CTNND2: variants seen among roughly 807,000 people sequenced by gnomAD.
CTNND2 encodes the protein catenin delta-2.
In CTNND2, 22 loss-of-function variants were observed where a neutral mutation model predicts 144.4. The ratio of observed to expected loss-of-function variants is 0.15; its 90% CI spans 0.11 to 0.22. The LOEUF (loss-of-function observed/expected upper bound fraction) is 0.22, where lower values mean the gene tolerates loss of function less well. CTNND2 is among the 10% of genes least tolerant of loss of function. The probability of loss-of-function intolerance (pLI) is 1.00; values close to 1 mark genes in which losing one functional copy is unlikely to be tolerated. For synonymous variants in CTNND2, 751 were observed against 695.6 expected, an observed-to-expected ratio of 1.08 and a Z score of -1.25; for missense variants, 1,353 against 1,618.8, an observed-to-expected ratio of 0.84 and a Z score of 2.82.
intron 2 of CTNND2, among the ~76,000 whole-genome samples, chr5:11,606,144 A>G (rs750805019): frequency 2.8e-4 from 42 of 152,220 alleles, no homozygotes; most frequent in Non-Finnish European, 5.7e-4. Flanking sequence ...TCCGGAAGTC[A>G]AGAATGATTC....
At chr5:11,797,114 T>C (rs1275804224) in intron 1 of CTNND2, among the ~76,000 whole-genome samples, 2 of 152,216 alleles carry the variant, frequency 1.3e-5, no homozygotes, top group Non-Finnish European at 2.9e-5. Context: ...AAAAGGTTTC[T>C]TTGACATTGA....
intron 11 of CTNND2, among the ~76,000 whole-genome samples, chr5:11,164,157 A>C (rs1759070700): frequency 1.3e-5 from 2 of 152,016 alleles, no homozygotes; most frequent in African/African-American, 4.8e-5. Flanking sequence ...CCTCCCTCTC[A>C]TAAGGGCACT....
At chr5:11,643,766 T>C (rs1782196414) in intron 2 of CTNND2, among the ~76,000 whole-genome samples, 2 of 152,244 alleles carry the variant, frequency 1.3e-5, no homozygotes, top group African/African-American at 2.4e-5. Flanking sequence ...TTCTATTTTT[T>C]CCCAAAAAAA....
chr5:11,471,988 C>T (rs1031229937), intron 3 of CTNND2, among the ~76,000 whole-genome samples: 1 of 152,144 alleles, frequency 6.6e-6, no homozygotes, highest in Non-Finnish European at 1.5e-5. Flanking sequence ...ATATATAGAA[C>T]AATTCAGCCT....
chr5:11,445,730 G>T (rs1364520317), intron 3 of CTNND2, among the ~76,000 whole-genome samples: 1 of 152,244 alleles, frequency 6.6e-6, no homozygotes, highest in Non-Finnish European at 1.5e-5. Context: ...CATATAGCGG[G>T]GCTGGTGAGG....
intron 9 of CTNND2, among the ~76,000 whole-genome samples, chr5:11,288,275 T>C (rs1311437): frequency 0.2 from 30,077 of 152,096 alleles, 3,147 homozygotes; most frequent in Middle Eastern, 0.32. Context: ...TCTACATTCA[T>C]GTTCTTCTTT....
At chr5:11,854,024 A>G (rs1795138443) in intron 1 of CTNND2, among the ~76,000 whole-genome samples, 1 of 152,202 alleles carries the variant, frequency 6.6e-6, no homozygotes, top group African/African-American at 2.4e-5. Context: ...CATCTATGAT[A>G]AACAAGGCCC....
intron 1 of CTNND2, among the ~76,000 whole-genome samples, chr5:11,858,305 T>C (rs764826781): frequency 3.9e-5 from 6 of 152,206 alleles, no homozygotes; most frequent in Non-Finnish European, 7.3e-5. Context: ...TCAGTATACA[T>C]GCACACAAAG....
At chr5:11,666,375 C>A (rs1338050227) in intron 2 of CTNND2, among the ~76,000 whole-genome samples, 2 of 152,132 alleles carry the variant, frequency 1.3e-5, no homozygotes, top group African/African-American at 4.8e-5. Flanking sequence ...GAAATAAATA[C>A]ATTAAGAATG....
chr5:11,485,321 T>C (rs1276412691), intron 3 of CTNND2, among the ~76,000 whole-genome samples: 1 of 151,494 alleles, frequency 6.6e-6, no homozygotes, highest in Non-Finnish European at 1.5e-5. Context: ...ATGCCACTTC[T>C]TAACAGAGAG....
chr5:11,824,154 T>C (rs1392819458), intron 1 of CTNND2, among the ~76,000 whole-genome samples: 1 of 148,150 alleles, frequency 6.7e-6, no homozygotes, highest in African/African-American at 2.5e-5. Context: ...AAAAATTAAA[T>C]GTTTAAAAAA....
intron 2 of CTNND2, among the ~76,000 whole-genome samples, chr5:11,620,032 C>T (rs1156796095): frequency 1.3e-5 from 2 of 151,988 alleles, no homozygotes; most frequent in Admixed American, 6.6e-5. Context: ...GCATTTTAAT[C>T]GATGATATTT....
intron 3 of CTNND2, among the ~76,000 whole-genome samples, chr5:11,467,668 G>A (rs532966881): frequency 6.6e-6 from 1 of 152,220 alleles, no homozygotes; most frequent in South Asian, 2.1e-4. Flanking sequence ...GGCTTCTGGG[G>A]GTAACATTTT....
At chr5:11,171,328 C>T (rs1759883707) in intron 11 of CTNND2, among the ~76,000 whole-genome samples, 1 of 152,204 alleles carries the variant, frequency 6.6e-6, no homozygotes, top group Non-Finnish European at 1.5e-5. Flanking sequence ...CAGGCTCTCA[C>T]ACTTCCAATT....
At chr5:11,287,702 G>C (rs1196405068) in intron 9 of CTNND2, among the ~76,000 whole-genome samples, 1 of 152,312 alleles carries the variant, frequency 6.6e-6, no homozygotes, top group East Asian at 1.9e-4. Context: ...TGCAAGAAGT[G>C]CAGGGGACAG....
At chr5:11,139,846 T>A (rs1756539338) in intron 12 of CTNND2, among the ~76,000 whole-genome samples, 1 of 152,220 alleles carries the variant, frequency 6.6e-6, no homozygotes, top group South Asian at 2.1e-4. Context: ...TTGGCTGTGT[T>A]CCTTCTGGGG....
At chr5:11,772,572 T>C (rs1281377480) in intron 1 of CTNND2, among the ~76,000 whole-genome samples, 1 of 152,176 alleles carries the variant, frequency 6.6e-6, no homozygotes, top group Non-Finnish European at 1.5e-5. Context: ...GGTGAAGAAC[T>C]TTGATTTAAA....
chr5:11,080,042 A>G (rs1580225166), intron 16 of CTNND2, among the ~76,000 whole-genome samples: 1 of 152,200 alleles, frequency 6.6e-6, no homozygotes. Flanking sequence ...CAACCTACAG[A>G]TTGGGAGAAA....
At position 11,364,703 on chromosome 5, in the gene CTNND2, C is replaced by T. The variant is rs898538492; in HGVS notation, c.1365G>A (p.Thr455=). The T allele has an allele frequency of 6.8e-6, 11 of 1,611,674 alleles. No homozygotes were observed. Among genetic ancestry groups the T allele is most frequent in the Admixed American group, 3.4e-5 (2 of 59,522 alleles). The change falls in exon 8 of 22, where the codon ACG becomes ACA. Residue 455 remains threonine (T), a synonymous_variant. Transcript: ENST00000304623. ...LPPAHTGTYR[T]STAPSSPGVD... is the part of the protein sequence containing the mutation. ...GGGGTCCTGATTACACACCTGTGCT[C>T]GTGCGGTAGGTGCCGGTGTGTGCTG...
Sources: allele counts gnomAD v4.1 joint callset (sites outside exome capture counted in the v4.1 genomes callset), GRCh38; gene constraint gnomAD v4.1.1; transcripts MANE v1.5; gene names NCBI Gene and HGNC (gene_info 2026-07-23, HGNC 2026-07-21).